The following UNC5D variants were observed in gnomAD, a reference collection of about 807,000 sequenced individuals.
UNC5D encodes unc-5 netrin receptor D.
In UNC5D, 39 loss-of-function variants were observed where a neutral mutation model predicts 105.4. The ratio of observed to expected loss-of-function variants is 0.37; its 90% CI spans 0.29 to 0.48. The LOEUF (loss-of-function observed/expected upper bound fraction) is 0.48. Ranked by LOEUF, UNC5D falls within the 20% of genes least tolerant of loss-of-function variation. The pLI is 0.98. For synonymous variants in UNC5D, 452 were observed against 450.4 expected, an observed-to-expected ratio of 1.00 and a Z score of -0.04; for missense variants, 991 against 1,202.4, an observed-to-expected ratio of 0.82 and a Z score of 2.60.
intron 1 of UNC5D, among the ~76,000 whole-genome samples, chr8:35,324,745 AT>A (rs529575706): frequency 7.9e-5 from 12 of 152,208 alleles, no homozygotes; most frequent in African/African-American, 2.9e-4. Flanking sequence ...ATTTACTTGG[AT>A]TTTTTGATCA....
At chr8:35,748,378 G>A in intron 11 of UNC5D, 149 bp from the exon 12 acceptor site, 1 of 746,522 alleles carries the variant, frequency 1.3e-6, no homozygotes, top group Non-Finnish European at 2.0e-6. Context: ...ACAAATGCTT[G>A]TTCTCCAGAC....
chr8:35,458,649 T>A (rs1808659971), intron 1 of UNC5D, among the ~76,000 whole-genome samples: 1 of 152,154 alleles, frequency 6.6e-6, no homozygotes. Flanking sequence ...CTGGAAGTGG[T>A]TGGTACACAT....
At chr8:35,461,601 C>T (rs969475412) in intron 1 of UNC5D, among the ~76,000 whole-genome samples, 1 of 152,098 alleles carries the variant, frequency 6.6e-6, no homozygotes, top group African/African-American at 2.4e-5. Flanking sequence ...TCATACATAC[C>T]TTTTAGCATT....
chr8:35,601,851 T>TGA (rs1375620875), intron 4 of UNC5D, among the ~76,000 whole-genome samples: 3 of 151,804 alleles, frequency 2.0e-5, no homozygotes, highest in Admixed American at 6.6e-5. Flanking sequence ...ATAGGAGTGG[T>TGA]GAGAGGGCAT....
intron 8 of UNC5D, among the ~76,000 whole-genome samples, chr8:35,710,141 C>G (rs1039479881): frequency 6.6e-6 from 1 of 152,106 alleles, no homozygotes; most frequent in African/African-American, 2.4e-5. Context: ...TCACAATGAC[C>G]TATTATAACA....
At chr8:35,237,035 C>G (rs1048900397) in intron 1 of UNC5D, among the ~76,000 whole-genome samples, 1 of 152,086 alleles carries the variant, frequency 6.6e-6, no homozygotes, top group Non-Finnish European at 1.5e-5. Context: ...CACAAAAGAA[C>G]CAATGTTATC....
intron 1 of UNC5D, among the ~76,000 whole-genome samples, chr8:35,470,795 T>TA (rs764384364): frequency 2.8e-5 from 1 of 35,462 alleles, no homozygotes. Flanking sequence ...AATAAATAAA[T>TA]AAATAAATAA....
At chr8:35,756,854 T>G (rs2131669856) in intron 13 of UNC5D, among the ~76,000 whole-genome samples, 1 of 152,284 alleles carries the variant, frequency 6.6e-6, no homozygotes, top group East Asian at 1.9e-4. Context: ...TCACTTCATT[T>G]CCTGGCGTCG....
chr8:35,314,849 A>G (rs913698980), intron 1 of UNC5D, among the ~76,000 whole-genome samples: 4 of 152,176 alleles, frequency 2.6e-5, no homozygotes, highest in African/African-American at 9.6e-5. Flanking sequence ...ACAACATGGA[A>G]ACACTACAGT....
At chr8:35,575,336 GA>G (rs1326796489) in intron 3 of UNC5D, among the ~76,000 whole-genome samples, 1 of 152,124 alleles carries the variant, frequency 6.6e-6, no homozygotes, top group Non-Finnish European at 1.5e-5. Flanking sequence ...TATGGCTCTA[GA>G]AAAAGACCTT....
intron 1 of UNC5D, among the ~76,000 whole-genome samples, chr8:35,453,258 AT>A (rs374880156): frequency 6.6e-6 from 1 of 152,074 alleles, no homozygotes; most frequent in African/African-American, 2.4e-5. Flanking sequence ...TTCCAGAGTT[AT>A]TTTTTTAGCC....
intron 4 of UNC5D, among the ~76,000 whole-genome samples, chr8:35,669,699 A>ATAT (rs550773758): frequency 6.6e-6 from 1 of 152,096 alleles, no homozygotes; most frequent in African/African-American, 2.4e-5. Context: ...TTTAAATGTA[A>ATAT]TATTATTATC....
Position 35,594,819 on chromosome 8 carries a change from T to C in UNC5D, c.467-735T>C, listed in dbSNP as rs145935774. 3.7e-3 allele frequency among the ~76,000 whole-genome samples: 559 copies of C among 152,326 alleles called. 4 individuals are homozygous for C. Among genetic ancestry groups the C allele is most frequent in the African/African-American group, 0.011 (472 of 41,588 alleles). ...CATTGTTCCCCATCACTGGCATCGA[T>C]GCTCTCTGTGACCACTGGCAAGCGA... On this transcript the variant is annotated intron_variant, in intron 3 of 16. Transcript: ENST00000404895.
At chr8:35,665,100 A>G (rs969316007) in intron 4 of UNC5D, among the ~76,000 whole-genome samples, 1 of 152,028 alleles carries the variant, frequency 6.6e-6, no homozygotes. Flanking sequence ...CTCCCAAAGT[A>G]CTGGGATTAC....
chr8:35,322,020 T>C (rs1022771061), intron 1 of UNC5D, among the ~76,000 whole-genome samples: 4 of 152,206 alleles, frequency 2.6e-5, no homozygotes, highest in African/African-American at 4.8e-5. Context: ...AATTTGTATG[T>C]AAAATGCTCA....
At position 35,278,820 on chromosome 8, in the gene UNC5D, A is replaced by G. The variant is rs114645716; in HGVS notation, c.103+42933A>G. Among the ~76,000 whole-genome samples, 1,333 of 152,204 alleles carry G rather than the reference A, an allele frequency of 8.8e-3. 23 individuals carry two copies. The highest frequency in any genetic ancestry group is 0.031 in the African/African-American group (1,306 of 41,520). The stretch of plus-strand genomic sequence containing the variant: ...TCATCATGCTGTGCCTTAAATCTCT[A>G]CACTTATTCATCCTATATTCATCTT... On this transcript the variant is annotated intron_variant, in intron 1 of 16. Transcript: ENST00000404895.
intron 1 of UNC5D, chr8:35,254,288 AC>A (rs1389221189): frequency 6.6e-6 from 1 of 152,080 alleles, no homozygotes; most frequent in Non-Finnish European, 1.5e-5. Flanking sequence ...TTACCTGACC[AC>A]TCCCATTATA....
At chr8:35,493,495 T>C (rs886499998) in intron 1 of UNC5D, among the ~76,000 whole-genome samples, 2 of 152,070 alleles carry the variant, frequency 1.3e-5, no homozygotes, top group Admixed American at 6.6e-5. Flanking sequence ...CATTTTCTTA[T>C]GTTGTTGGTC....
At chr8:35,590,313 T>C (rs1206085504) in intron 3 of UNC5D, among the ~76,000 whole-genome samples, 1 of 152,128 alleles carries the variant, frequency 6.6e-6, no homozygotes, top group Non-Finnish European at 1.5e-5. Flanking sequence ...TAATTTCAAG[T>C]CTGGAAAAGC....
Sources: gnomAD v4.1 joint callset for allele counts (sites outside exome capture counted in the v4.1 genomes callset) on GRCh38, gnomAD v4.1.1 for gene constraint, MANE v1.5 for transcripts, NCBI Gene and HGNC (gene_info 2026-07-23, HGNC 2026-07-21) for gene names.